The following QTMAN variants were observed in gnomAD, a reference collection of about 807,000 sequenced individuals.
QTMAN encodes the protein queuosine-tRNA mannosyltransferase.
chr2:144,133,300 TG>T, the QTMAN span, among the ~76,000 whole-genome samples: 1 of 37,802 alleles, frequency 2.6e-5, no homozygotes, highest in Non-Finnish European at 4.8e-5. Context: ...TAAATATATA[TG>T]TTCATATAAA....
chr2:144,224,554 G>C, the QTMAN span, among the ~76,000 whole-genome samples: 2 of 152,176 alleles, frequency 1.3e-5, no homozygotes, highest in Non-Finnish European at 2.9e-5. Flanking sequence ...CAGAGGATAG[G>C]AGCTACTGAG....
chr2:144,068,243 A>G, the QTMAN span, among the ~76,000 whole-genome samples: 1 of 152,200 alleles, frequency 6.6e-6, no homozygotes, highest in Non-Finnish European at 1.5e-5. Context: ...ATCAGCTCTA[A>G]AGGCCTAATT....
the QTMAN span, among the ~76,000 whole-genome samples, chr2:144,125,319 T>C: frequency 2.0e-5 from 3 of 152,078 alleles, no homozygotes; most frequent in African/African-American, 7.2e-5. Flanking sequence ...CCTTACATTT[T>C]AGTTACATAG....
At chr2:144,066,454 C>G in the QTMAN span, among the ~76,000 whole-genome samples, 3 of 152,228 alleles carry the variant, frequency 2.0e-5, no homozygotes, top group Non-Finnish European at 2.9e-5. Context: ...TTCAGCACTT[C>G]AAAATGGTGT....
chr2:144,163,918 AGTTTGTTT>A, the QTMAN span, among the ~76,000 whole-genome samples: 110 of 151,572 alleles, frequency 7.3e-4, 2 homozygotes, highest in East Asian at 0.017. Context: ...ATTTAGGGAA[AGTTTGTTT>A]GTTTGTTTGT....
At chr2:144,171,774 AATAAAAT>A in the QTMAN span, among the ~76,000 whole-genome samples, 1 of 152,164 alleles carries the variant, frequency 6.6e-6, no homozygotes, top group Admixed American at 6.6e-5. Flanking sequence ...GACTAAAATA[AATAAAAT>A]AGAAGCCCAA....
At chr2:143,983,864 C>T in the QTMAN span, among the ~76,000 whole-genome samples, 3 of 152,130 alleles carry the variant, frequency 2.0e-5, no homozygotes, top group African/African-American at 7.2e-5. Flanking sequence ...CTCAGTAAAT[C>T]GCCATTTTTA....
At chr2:144,304,064 T>A in the QTMAN span, among the ~76,000 whole-genome samples, 2 of 152,292 alleles carry the variant, frequency 1.3e-5, no homozygotes, top group South Asian at 4.1e-4. Flanking sequence ...TATTCTAAGA[T>A]TCCATGAGAC....
the QTMAN span, among the ~76,000 whole-genome samples, chr2:144,267,417 G>A: frequency 6.6e-6 from 1 of 152,206 alleles, no homozygotes; most frequent in Non-Finnish European, 1.5e-5. Flanking sequence ...AGCATGTCAA[G>A]GAGATTGAGA....
At chr2:144,050,578 C>T in the QTMAN span, among the ~76,000 whole-genome samples, 1 of 152,132 alleles carries the variant, frequency 6.6e-6, no homozygotes, top group Non-Finnish European at 1.5e-5. Flanking sequence ...ATAAGGCATA[C>T]AATTTGAAAT....
At chr2:143,983,664 G>A in the QTMAN span, among the ~76,000 whole-genome samples, 6 of 151,766 alleles carry the variant, frequency 4.0e-5, no homozygotes, top group Admixed American at 2.0e-4. Context: ...TAGTAGAGAC[G>A]GGGTTTCACC....
chr2:144,010,445 C>T, the QTMAN span, among the ~76,000 whole-genome samples: 2 of 152,170 alleles, frequency 1.3e-5, no homozygotes, highest in East Asian at 1.9e-4. Flanking sequence ...ACAAATCTCA[C>T]AAAATTGAAA....
the QTMAN span, among the ~76,000 whole-genome samples, chr2:144,313,761 T>C: frequency 3.3e-5 from 5 of 151,440 alleles, no homozygotes; most frequent in Non-Finnish European, 7.4e-5. Flanking sequence ...ACTTAATCAA[T>C]CTTATTATCA....
At chr2:144,280,073 T>G in the QTMAN span, among the ~76,000 whole-genome samples, 7 of 152,266 alleles carry the variant, frequency 4.6e-5, no homozygotes, top group East Asian at 1.4e-3. Context: ...ATGGCCGAAA[T>G]TTTTAGTAAA....
chr2:144,021,187 C>T, the QTMAN span, among the ~76,000 whole-genome samples: 3 of 151,996 alleles, frequency 2.0e-5, no homozygotes, highest in Non-Finnish European at 4.4e-5. Context: ...TTTCAGAATA[C>T]CAGAGGTAAA....
At chr2:143,979,179 C>A in the QTMAN span, among the ~76,000 whole-genome samples, 1 of 151,704 alleles carries the variant, frequency 6.6e-6, no homozygotes, top group South Asian at 2.1e-4. Flanking sequence ...AAACAAAACC[C>A]TCACTGGATG....
At chr2:144,140,488 A>G in the QTMAN span, among the ~76,000 whole-genome samples, 2 of 152,068 alleles carry the variant, frequency 1.3e-5, no homozygotes, top group African/African-American at 4.8e-5. Flanking sequence ...TGTTCTAGTT[A>G]ATCACAGGCA....
the QTMAN span, among the ~76,000 whole-genome samples, chr2:144,217,855 G>A: frequency 2.0e-5 from 3 of 152,272 alleles, no homozygotes; most frequent in East Asian, 1.9e-4. Flanking sequence ...ATTTACTACT[G>A]TTACCATCAA....
At chr2:144,022,530 A>C in the QTMAN span, among the ~76,000 whole-genome samples, 1 of 146,288 alleles carries the variant, frequency 6.8e-6, no homozygotes, top group African/African-American at 2.6e-5. Flanking sequence ...CTAGGTTGCC[A>C]ATTCTCATTC....
Sources: allele counts gnomAD v4.1 joint callset (sites outside exome capture counted in the v4.1 genomes callset), GRCh38; gene constraint gnomAD v4.1.1; transcripts MANE v1.5; gene names NCBI Gene and HGNC (gene_info 2026-07-23, HGNC 2026-07-21).